TENM2: variants seen among roughly 807,000 people sequenced by gnomAD.
TENM2 encodes teneurin-2.
TENM2 carries 52 observed loss-of-function variants against 245.2 expected under a neutral mutation model. That is an observed-to-expected ratio of 0.21 (90% CI 0.17 to 0.27). The LOEUF (loss-of-function observed/expected upper bound fraction) is 0.27, where lower values mean the gene tolerates loss of function less well. Among genes scored for constraint, TENM2 ranks in the 10% least tolerant of loss-of-function variants. The pLI, the probability that TENM2 is intolerant of heterozygous loss-of-function variation, is 1.00. For missense variants in TENM2, 3,046 were observed against 3,666.8 expected, an observed-to-expected ratio of 0.83 and a Z score of 4.37; for synonymous variants, 1,363 against 1,438.9, an observed-to-expected ratio of 0.95 and a Z score of 1.19.
chr5:167,401,008 T>G (rs542620494), intron 2 of TENM2, among the ~76,000 whole-genome samples: 41 of 152,132 alleles, frequency 2.7e-4, no homozygotes, highest in African/African-American at 9.6e-4. Flanking sequence ...GAAGGATTGC[T>G]TGAGCCCAGG....
chr5:167,996,051 G>C lies in TENM2; in HGVS notation c.1186+2869G>C, dbSNP rs145748637. On this transcript the variant is annotated intron_variant, in intron 5 of 28. Transcript: ENST00000518659. ...CCAGGACCTTTATGGGCAGGCAGTG[G>C]GTTCAGGCCTGCCAGGCACCGTGAC... is the stretch of plus-strand genomic sequence containing the variant. Among the ~76,000 whole-genome samples, 578 of 152,226 alleles carry C rather than the reference G, an allele frequency of 3.8e-3. 6 individuals carry two copies. The highest frequency in any genetic ancestry group is 0.013 in the African/African-American group (551 of 41,514).
At chr5:167,601,867 A>G (rs1348202387) in intron 2 of TENM2, among the ~76,000 whole-genome samples, 1 of 152,158 alleles carries the variant, frequency 6.6e-6, no homozygotes, top group Non-Finnish European at 1.5e-5. Flanking sequence ...ACTGCAACCA[A>G]TTTCTAATTC....
intron 2 of TENM2, among the ~76,000 whole-genome samples, chr5:167,737,999 T>A (rs1164794850): frequency 6.6e-6 from 1 of 152,230 alleles, no homozygotes; most frequent in East Asian, 1.9e-4. Flanking sequence ...CATGGCTGTG[T>A]TGTTAATCAA....
In TENM2 at chr5:167,393,357, G is replaced by A. The variant is rs76558704; in HGVS notation, c.502+17884G>A. 5.5e-3 allele frequency among the ~76,000 whole-genome samples: 844 copies of A among 152,142 alleles called. 10 individuals carry two copies. The highest frequency in any genetic ancestry group is 0.02 in the African/African-American group (812 of 41,510). The stretch of plus-strand genomic sequence containing the variant: ...TTTGCAGTAGTAAACGGGAGTCGGA[G>A]GGCCAAGGAAAACTTTATTAAAATG... On this transcript the variant is annotated intron_variant, in intron 2 of 28. Coordinates refer to ENST00000518659, the Ensembl canonical transcript of TENM2.
In TENM2 at chr5:167,936,295, T is replaced by C. The variant is rs573024224; in HGVS notation, c.713-16293T>C. Among the ~76,000 whole-genome samples, 83 of 152,368 alleles carry C rather than the reference T, an allele frequency of 5.4e-4. 1 individual carries two copies. The highest frequency in any genetic ancestry group is 9.6e-4 in the Non-Finnish European group (65 of 68,034). ...CAGTGAAACCATTCATTCTCCTTTC[T>C]ACACAGTATAGTTTCTTAAACAGCT... is the stretch of plus-strand genomic sequence containing the variant. On this transcript the variant is annotated intron_variant, in intron 3 of 28. Transcript: ENST00000518659.
intron 1 of TENM2, among the ~76,000 whole-genome samples, chr5:167,302,045 G>A (rs998533242): frequency 1.3e-5 from 2 of 152,098 alleles, no homozygotes; most frequent in African/African-American, 4.8e-5. Flanking sequence ...TGAGGGGACA[G>A]GTGGGAGGGA....
At chr5:168,182,521 C>T (rs775628360) in intron 13 of TENM2, among the ~76,000 whole-genome samples, 3 of 152,194 alleles carry the variant, frequency 2.0e-5, no homozygotes, top group Non-Finnish European at 4.4e-5. Flanking sequence ...CAAGATGACA[C>T]AGCTGATAAA....
Position 167,328,918 on chromosome 5 carries a change from A to G in TENM2, c.226+43855A>G, listed in dbSNP as rs1757261089. Among the ~76,000 whole-genome samples, 4 of 152,238 alleles carry G rather than the reference A, an allele frequency of 2.6e-5. No homozygotes were observed. The South Asian group carries it at 8.3e-4, about 32-fold the overall frequency. Reference sequence around the variant, plus strand: ...TTTTTTGGCTTGTCTTCCCACTAAAATAAGAGAACTGGGTCTTGTTATTTG... The same window carrying G: ...TTTTTTGGCTTGTCTTCCCACTAAAGTAAGAGAACTGGGTCTTGTTATTTG... On this transcript the variant is annotated intron_variant, in intron 1 of 28. Coordinates refer to ENST00000518659, the Ensembl canonical transcript of TENM2.
chr5:168,194,853 C>T (rs1022173605), intron 14 of TENM2, among the ~76,000 whole-genome samples: 19 of 152,108 alleles, frequency 1.2e-4, no homozygotes, highest in African/African-American at 4.6e-4. Context: ...CTCTCGGTGC[C>T]AGGCTAAAGA....
intron 3 of TENM2, among the ~76,000 whole-genome samples, chr5:167,899,103 C>G (rs891597777): frequency 5.3e-5 from 8 of 151,892 alleles, no homozygotes; most frequent in African/African-American, 1.9e-4. Context: ...ATTTTTAAAG[C>G]CTGTGACAAG....
chr5:167,316,418 CTG>C (rs1387921411), intron 1 of TENM2, among the ~76,000 whole-genome samples: 1 of 152,184 alleles, frequency 6.6e-6, no homozygotes, highest in African/African-American at 2.4e-5. Context: ...GGCCACAACA[CTG>C]TGTAAGGTTG....
chr5:167,741,746 G>GA (rs769372783), intron 2 of TENM2, among the ~76,000 whole-genome samples: 1 of 152,048 alleles, frequency 6.6e-6, no homozygotes, highest in Non-Finnish European at 1.5e-5. Context: ...TTCTCAAGAA[G>GA]AAAAAAATCA....
the TENM2 span, among the ~76,000 whole-genome samples, chr5:166,987,796 A>T: frequency 3.9e-5 from 6 of 152,120 alleles, no homozygotes; most frequent in Non-Finnish European, 5.9e-5. Context: ...TCAATTTATG[A>T]TTTACTTTTA....
chr5:167,258,864 A>G, the TENM2 span, among the ~76,000 whole-genome samples: 1 of 152,154 alleles, frequency 6.6e-6, no homozygotes, highest in Admixed American at 6.6e-5. Flanking sequence ...TACAGTTCAC[A>G]ATGACAAAAA....
chr5:167,235,209 A>T, the TENM2 span, among the ~76,000 whole-genome samples: 1 of 152,136 alleles, frequency 6.6e-6, no homozygotes, highest in Non-Finnish European at 1.5e-5. Flanking sequence ...CCTTTTTAAA[A>T]ATAAGGACAC....
At chr5:167,823,709 G>A (rs530041311) in intron 2 of TENM2, among the ~76,000 whole-genome samples, 161 of 152,274 alleles carry the variant, frequency 1.1e-3, no homozygotes, top group Middle Eastern at 6.8e-3. Context: ...GAGAAAAATC[G>A]TTGTGACAGT....
At chr5:167,939,310 G>T (rs753102927) in intron 3 of TENM2, among the ~76,000 whole-genome samples, 5 of 152,152 alleles carry the variant, frequency 3.3e-5, no homozygotes, top group African/African-American at 1.2e-4. Context: ...TCACAATAGG[G>T]TTCACACTCC....
chr5:167,967,382 G>A (rs936596115), intron 4 of TENM2, among the ~76,000 whole-genome samples: 18 of 152,134 alleles, frequency 1.2e-4, no homozygotes, highest in African/African-American at 4.3e-4. Context: ...ATAAAGTGTT[G>A]TGGCACGTGT....
At chr5:168,084,875 GA>G (rs1792310945) in intron 7 of TENM2, among the ~76,000 whole-genome samples, 1 of 152,186 alleles carries the variant, frequency 6.6e-6, no homozygotes, top group Non-Finnish European at 1.5e-5. Context: ...GCCCAGGTCT[GA>G]CCCTAGCACT....
Sources: gnomAD v4.1 joint callset for allele counts (sites outside exome capture counted in the v4.1 genomes callset) on GRCh38, gnomAD v4.1.1 for gene constraint, MANE v1.5 for transcripts, NCBI Gene and HGNC (gene_info 2026-07-23, HGNC 2026-07-21) for gene names.